The following NCAM2 variants were observed in gnomAD, a reference collection of about 807,000 sequenced individuals.
The protein encoded by NCAM2 is neural cell adhesion molecule 2.
In NCAM2, 30 loss-of-function variants were observed where a neutral mutation model predicts 98.1. The observed-to-expected ratio is 0.31, with a 90% CI of 0.23 to 0.41. The LOEUF (loss-of-function observed/expected upper bound fraction) is 0.41. Among genes scored for constraint, NCAM2 ranks in the 10% least tolerant of loss-of-function variants. The pLI is 1.00. For synonymous variants in NCAM2, 368 were observed against 342.4 expected (o/e 1.07, Z -0.83); for missense variants, 867 against 1,005.8 (o/e 0.86, Z 1.87).
At chr21:21,009,358 A>C (rs2064165461) in intron 1 of NCAM2, among the ~76,000 whole-genome samples, 1 of 152,054 alleles carries the variant, frequency 6.6e-6, no homozygotes, top group African/African-American at 2.4e-5. Flanking sequence ...TAAAATAATA[A>C]AGTCATAGTT....
intron 1 of NCAM2, among the ~76,000 whole-genome samples, chr21:21,236,351 A>G (rs2070822971): frequency 6.6e-6 from 1 of 152,068 alleles, no homozygotes; most frequent in South Asian, 2.1e-4. Context: ...ACAACCATCA[A>G]TAAATATTTT....
chr21:21,312,427 A>G (rs2074084659), intron 5 of NCAM2, among the ~76,000 whole-genome samples: 1 of 151,450 alleles, frequency 6.6e-6, no homozygotes, highest in Non-Finnish European at 1.5e-5. Context: ...ATTTAATAAT[A>G]TTAGGTTCAG....
At position 21,331,517 on chromosome 21, in the gene NCAM2, C is replaced by CTCTCTCTCTCTCTCTCTATATA. The variant is rs1483062198; in HGVS notation, c.738-3987_738-3986insCTCTCTCTCTCTCTCTATATAT. On this transcript the variant is annotated intron_variant, in intron 6 of 17. Transcript: ENST00000400546. ...TATATATACTCTATACTCTCTCTCT[C>CTCTCTCTCTCTCTCTCTATATA]TATATATATATATATATACTCTATA... 3.0e-3 allele frequency among the ~76,000 whole-genome samples: 21 copies of CTCTCTCTCTCTCTCTCTATATA among 6,938 alleles called. No homozygotes were observed. The East Asian group carries it at 0.032, about 10-fold the overall frequency. The allele number at this position is 6,938 out of a possible 152,430, so 4.6% of individuals were successfully genotyped here.
At chr21:21,311,383 C>A (rs919509763) in intron 5 of NCAM2, among the ~76,000 whole-genome samples, 1 of 140,106 alleles carries the variant, frequency 7.1e-6, no homozygotes, top group East Asian at 2.2e-4. Context: ...CTCTGTGGCC[C>A]AGGCTGGAGT....
At chr21:21,305,980 C>T (rs567562929) in intron 5 of NCAM2, among the ~76,000 whole-genome samples, 55 of 152,168 alleles carry the variant, frequency 3.6e-4, no homozygotes, top group African/African-American at 1.2e-3. Flanking sequence ...TGTAATTTCC[C>T]TTTTGACTTA....
At chr21:21,254,198 G>A (rs1012897443) in intron 1 of NCAM2, among the ~76,000 whole-genome samples, 7 of 152,020 alleles carry the variant, frequency 4.6e-5, no homozygotes, top group East Asian at 1.9e-4. Context: ...CACATTTAGC[G>A]TATTATTCCT....
chr21:21,141,218 C>T (rs982407681), intron 1 of NCAM2, among the ~76,000 whole-genome samples: 7 of 152,230 alleles, frequency 4.6e-5, no homozygotes, highest in African/African-American at 1.2e-4. Context: ...GCTACAGGTA[C>T]GTGTAAACAA....
At chr21:21,263,797 T>A (rs1158498555) in intron 1 of NCAM2, among the ~76,000 whole-genome samples, 2 of 152,108 alleles carry the variant, frequency 1.3e-5, no homozygotes, top group African/African-American at 4.8e-5. Context: ...GTAAACAGGC[T>A]AAACGTATGC....
At chr21:21,177,936 T>C (rs1193947642) in intron 1 of NCAM2, among the ~76,000 whole-genome samples, 1 of 152,156 alleles carries the variant, frequency 6.6e-6, no homozygotes, top group Non-Finnish European at 1.5e-5. Context: ...GTTTATAAAA[T>C]AAAAATAGAA....
intron 1 of NCAM2, among the ~76,000 whole-genome samples, chr21:21,032,015 TATCA>T (rs1040383158): frequency 3.9e-5 from 6 of 152,232 alleles, no homozygotes; most frequent in African/African-American, 1.4e-4. Flanking sequence ...TGATAGGTTT[TATCA>T]TTGATTAGAT....
chr21:21,328,193 A>T (rs1188743174), intron 6 of NCAM2, among the ~76,000 whole-genome samples: 2 of 152,226 alleles, frequency 1.3e-5, no homozygotes, highest in African/African-American at 4.8e-5. Flanking sequence ...GCCATCATAA[A>T]ATCATAGCTC....
intron 1 of NCAM2, among the ~76,000 whole-genome samples, chr21:21,143,530 A>G (rs1483968642): frequency 6.6e-6 from 1 of 151,878 alleles, no homozygotes; most frequent in Non-Finnish European, 1.5e-5. Flanking sequence ...AGTTGACCAG[A>G]TTTTCCTCTG....
chr21:21,463,392 C>A (rs75722128), intron 12 of NCAM2, among the ~76,000 whole-genome samples: 3,028 of 152,164 alleles, frequency 0.02, 45 homozygotes, highest in South Asian at 0.047. Flanking sequence ...TGTATCAAAA[C>A]CTGCATTCAC....
At position 21,382,733 on chromosome 21, in the gene NCAM2, T is replaced by C. The variant is rs183512276; in HGVS notation, c.1195+8720T>C. On this transcript the variant is annotated intron_variant, in intron 9 of 17. Transcript: ENST00000400546. ...TTTTAGTAGAGACGGGGTTTCGCCATGTTGGCCAAGCTGGTCTCAGACTCC... is the reference window on the plus strand; with the variant it reads ...TTTTAGTAGAGACGGGGTTTCGCCACGTTGGCCAAGCTGGTCTCAGACTCC... Among the ~76,000 whole-genome samples, 601 of 152,188 alleles carry C rather than the reference T, an allele frequency of 3.9e-3. 5 individuals carry two copies. The highest frequency in any genetic ancestry group is 0.014 in the African/African-American group (573 of 41,540).
Position 21,276,136 on chromosome 21 carries a change from T to G in NCAM2, c.56-4442T>G, listed in dbSNP as rs560996753. The stretch of plus-strand genomic sequence containing the variant: ...TGTTTCATTGTCGTCTATAAAGTCT[T>G]CTTGATCATAAATTTTATAATGGGC... On this transcript the variant is annotated intron_variant, in intron 1 of 17. Coordinates refer to ENST00000400546, the MANE Select transcript of NCAM2 (RefSeq NM_004540.5). 5.3e-5 allele frequency among the ~76,000 whole-genome samples: 8 copies of G among 152,190 alleles called. No homozygotes were observed. The South Asian group carries it at 1.7e-3, about 32-fold the overall frequency.
At chr21:21,288,889 C>T (rs985719595) in intron 4 of NCAM2, among the ~76,000 whole-genome samples, 3 of 151,788 alleles carry the variant, frequency 2.0e-5, no homozygotes, top group Admixed American at 6.6e-5. Context: ...ATTGTAGCTG[C>T]GTGGCAGATA....
At chr21:21,306,950 G>T (rs1204837816) in intron 5 of NCAM2, among the ~76,000 whole-genome samples, 1 of 150,088 alleles carries the variant, frequency 6.7e-6, no homozygotes, top group Non-Finnish European at 1.5e-5. Context: ...TGCAATGTTT[G>T]CTCTTCTGTG....
intron 1 of NCAM2, among the ~76,000 whole-genome samples, chr21:21,066,812 A>G (rs2065449207): frequency 6.6e-6 from 1 of 152,076 alleles, no homozygotes; most frequent in Non-Finnish European, 1.5e-5. Context: ...CCAAAGCATT[A>G]TTAGATGAAG....
At chr21:21,380,648 A>G (rs1015952159) in intron 9 of NCAM2, among the ~76,000 whole-genome samples, 2 of 151,930 alleles carry the variant, frequency 1.3e-5, no homozygotes, top group African/African-American at 2.4e-5. Context: ...TGGCAGATCT[A>G]GTCTTTCTCA....
Sources: allele counts gnomAD v4.1 joint callset (sites outside exome capture counted in the v4.1 genomes callset), GRCh38; gene constraint gnomAD v4.1.1; transcripts MANE v1.5; gene names NCBI Gene and HGNC (gene_info 2026-07-23, HGNC 2026-07-21).